Variants in SLC41A1 observed in about 807,000 individuals in gnomAD.
SLC41A1 encodes the protein solute carrier family 41 (magnesium transporter), member 1.
A neutral mutation model predicts 47.3 loss-of-function variants in SLC41A1; 20 were observed. That is an observed-to-expected ratio of 0.42 (90% confidence interval 0.30 to 0.61). The LOEUF (loss-of-function observed/expected upper bound fraction) is 0.61. Among genes scored for constraint, SLC41A1 ranks in the 20% least tolerant of loss-of-function variants. SLC41A1 has a pLI of 0.17. For synonymous variants in SLC41A1, 282 were observed against 272.7 expected, an observed-to-expected ratio of 1.03 and a Z score of -0.34; for missense variants, 504 against 674.1, an observed-to-expected ratio of 0.75 and a Z score of 2.79.
intron 1 of SLC41A1, among the ~76,000 whole-genome samples, chr1:205,811,596 G>T (rs1286373263): frequency 6.6e-6 from 1 of 152,200 alleles, no homozygotes; most frequent in Non-Finnish European, 1.5e-5. Context: ...AAAGAAATAG[G>T]GAGAAACTGA....
Position 205,791,377 on chromosome 1 carries a change from A to G in SLC41A1, c.*156T>C. 1.1e-6 allele frequency: 1 copy of G among 942,528 alleles called. No individual in the cohort carries two copies. The highest frequency in any genetic ancestry group is 1.7e-6 in the Non-Finnish European group (1 of 604,476). The allele number at this position is 942,528 out of a possible 1,614,324, so 58.4% of individuals were successfully genotyped here. ...AATTCTTGCTATACAAACTTGGCTC[A>G]ATGTATAAAAATTCCCATTGAAAAT... On this transcript the variant is annotated 3_prime_UTR_variant, in exon 11 of 11. Transcript: ENST00000367137. The surrounding 1 kb of genome is among the most constrained non-coding windows in gnomAD (Gnocchi z 4.0).
In SLC41A1 at chr1:205,798,047, G is replaced by A; in HGVS notation, c.849C>T (p.His283=). Residue 283 remains histidine, a synonymous_variant, in exon 7 of 11, where the codon CAC becomes CAT. Transcript: ENST00000367137. ...ACACCAGTGGGTAGATGTATCGCCA[G>A]TGATCTGAGAGGGCAGAGGTCAGAA... ...ISWGLYLELN[H]WRYIYPLVCA... is the part of the protein sequence containing the mutation. 1 of 1,614,196 alleles carries A rather than the reference G, an allele frequency of 6.2e-7. No homozygotes were observed. The highest frequency in any genetic ancestry group is 1.6e-4 in the Middle Eastern group (1 of 6,062).
At chr1:205,811,165 C>T (rs952544099) in intron 1 of SLC41A1, 78 bp from the exon 2 acceptor site, 1 of 153,168 alleles carries the variant, frequency 6.5e-6, no homozygotes, top group African/African-American at 2.4e-5. Flanking sequence ...AGAATTTCCC[C>T]CCAAGGAAGT....
chr1:205,795,605 G>T, intron 8 of SLC41A1, 127 bp from the exon 9 acceptor site: 2 of 1,213,766 alleles, frequency 1.6e-6, no homozygotes, highest in Non-Finnish European at 2.4e-6. Flanking sequence ...TAGGGTCTAT[G>T]TGGGCATCAC....
At position 205,797,306 on chromosome 1, in the gene SLC41A1, T is replaced by C. The variant is rs78476626; in HGVS notation, c.993-303A>G. 1.5e-3 allele frequency among the ~76,000 whole-genome samples: 221 copies of C among 152,338 alleles called. 2 individuals carry two copies. The highest frequency in any genetic ancestry group is 6.8e-3 in the Middle Eastern group (2 of 294). ...AGGACTATCTGCCTCTGAGGACCTC[T>C]GTTGTTCTGCCCACTCAGCATTTAC... On this transcript the variant is annotated intron_variant, in intron 7 of 10. Coordinates refer to ENST00000367137, the MANE Select transcript of SLC41A1 (RefSeq NM_173854.6).
rs779830560 is a variant in SLC41A1 at position 205,798,010 on chromosome 1, C to T, written c.886G>A (p.Val296Met). ...ACCACCCAGACAGGCAGCAGGGCCA[C>T]AAAGAAAGCACACACCAGTGGGTAG... is the stretch of plus-strand genomic sequence containing the variant. ...YIYPLVCAFFVALLPVWVVLA... is the reference protein window; with the variant it reads ...YIYPLVCAFFMALLPVWVVLA... Residue 296 changes from valine (V) to methionine (M), a missense_variant, in exon 7 of 11, where the codon GTG becomes ATG. Val to Met is a conservative substitution (Grantham distance 21). Coordinates refer to ENST00000367137, the MANE Select transcript of SLC41A1 (RefSeq NM_173854.6). 5 of 1,613,992 alleles carry T rather than the reference C, an allele frequency of 3.1e-6. No homozygotes were observed. In the South Asian group the frequency reaches 3.3e-5, roughly 11 times the overall value.
intron 7 of SLC41A1, among the ~76,000 whole-genome samples, chr1:205,797,359 C>T (rs1655773595): frequency 6.6e-6 from 1 of 152,222 alleles, no homozygotes; most frequent in Middle Eastern, 3.2e-3. Flanking sequence ...GCACTGGGCT[C>T]CTCCACAGGG....
chr1:205,797,851 T>C, intron 7 of SLC41A1, 53 bp downstream of exon 7: 1 of 1,612,094 alleles, frequency 6.2e-7, no homozygotes, highest in Non-Finnish European at 8.5e-7. Context: ...TAAAAAGAAG[T>C]CTGTGGAAGG....
Position 205,813,108 on chromosome 1 carries a change from A to G in SLC41A1, c.-947T>C, listed in dbSNP as rs556766952. ...GGGGCACCCGGACGGGGGACCGGGG[A>G]GCCGAGCTCACGCGCCCCCAATCGC... is the stretch of plus-strand genomic sequence containing the variant. On this transcript the variant is annotated 5_prime_UTR_variant, in exon 1 of 11. Coordinates refer to ENST00000367137, the MANE Select transcript of SLC41A1 (RefSeq NM_173854.6). 82 of 985,330 alleles carry G rather than the reference A, an allele frequency of 8.3e-5. 1 individual carries two copies. The highest frequency in any genetic ancestry group is 1.0e-3 in the Middle Eastern group (2 of 1,914). 61.0% of individuals were successfully genotyped at this position (985,330 alleles called of 1,614,324 possible).
intron 3 of SLC41A1, 23 bp downstream of exon 3, chr1:205,800,930 C>T (rs756605086): frequency 5.6e-6 from 9 of 1,605,450 alleles, no homozygotes; most frequent in Non-Finnish European, 7.7e-6. Flanking sequence ...CTGTGCCCCA[C>T]TCCTCCCAGC....
chr1:205,798,813 T>C lies in SLC41A1; in HGVS notation c.700A>G (p.Met234Val). 1.2e-6 allele frequency: 2 copies of C among 1,614,096 alleles called. No homozygotes were observed. Among genetic ancestry groups the C allele is most frequent in the Non-Finnish European group, 1.7e-6 (2 of 1,180,016 alleles). ...TAFIASLVLG[M>V]IMIGVIIGSR... is the part of the protein sequence containing the mutation. ...CCAATGATGACTCCAATCATGATCA[T>C]ACCTGGTGAGCAAGTGGGAGGAGGG... The change falls in exon 6 of 11, where the codon ATG becomes GTG. Residue 234 changes from methionine to valine, a missense_variant and splice_region_variant. Transcript: ENST00000367137.
chr1:205,791,479 G>C lies in SLC41A1; in HGVS notation c.*54C>G. 6.2e-7 allele frequency: 1 copy of C among 1,611,496 alleles called. No homozygotes were observed. The highest frequency in any genetic ancestry group is 2.2e-5 in the East Asian group (1 of 44,854). On this transcript the variant is annotated 3_prime_UTR_variant, in exon 11 of 11. Coordinates refer to ENST00000367137, the MANE Select transcript of SLC41A1 (RefSeq NM_173854.6). The surrounding 1 kb of genome is among the most constrained non-coding windows in gnomAD (Gnocchi z 4.0). The stretch of plus-strand genomic sequence containing the variant: ...GTGGAGGAGGGACAGGGGAACAAAA[G>C]AAAAATTTCAAATAGAAAGTGCAGA...
rs550056678 is a variant in SLC41A1, at chr1:205,801,974, A to G, written c.373-914T>C. Among the ~76,000 whole-genome samples, 5 of 152,332 alleles carry G rather than the reference A, an allele frequency of 3.3e-5. No homozygotes were observed. The East Asian group carries it at 9.7e-4, about 29-fold the overall frequency. ...CAGTATTCCACTAGTTAGTGCTAAG[A>G]GGACTGCAGGAACCAGGACTGGCTA... On this transcript the variant is annotated intron_variant, in intron 2 of 10. Transcript: ENST00000367137.
Position 205,810,309 on chromosome 1 carries a change from C to G in SLC41A1, c.133G>C (p.Ala45Pro). The G allele has an allele frequency of 6.2e-7, 1 of 1,614,198 alleles. No individual in the cohort carries two copies. Among genetic ancestry groups the G allele is most frequent in the Non-Finnish European group, 8.5e-7 (1 of 1,180,036 alleles). ...GTSEFLGPDG[A>P]GVEVVIESRA... ...GACTCAATCACCACCTCTACCCCAG[C>G]CCCATCAGGCCCCAGGAACTCTGAG... Residue 45 changes from alanine to proline, a missense_variant, in exon 2 of 11, where the codon GCT becomes CCT. Physicochemically the swap from Ala to Pro is conservative, Grantham distance 27. Coordinates refer to ENST00000367137, the MANE Select transcript of SLC41A1 (RefSeq NM_173854.6). This position sits in a 1 kb window ranked among gnomAD's most constrained non-coding sequence, Gnocchi z 5.5.
chr1:205,795,215 A>G lies in SLC41A1; in HGVS notation c.1207+129T>C, dbSNP rs958982493. 7.5e-5 allele frequency: 113 copies of G among 1,513,034 alleles called. 2 individuals are homozygous for G. In the Middle Eastern group the frequency reaches 1.2e-3, roughly 17 times the overall value. The allele number at this position is 1,513,034 out of a possible 1,614,324, so 93.7% of individuals were successfully genotyped here. On this transcript the variant is annotated intron_variant, in intron 9 of 10. Transcript: ENST00000367137. The stretch of plus-strand genomic sequence containing the variant: ...CCCTCCTGCCTGGGCTCTGCCCTTC[A>G]GAACAGCTGGCACAGCCCAGCAGAG...
At chr1:205,812,642 G>A (rs1571655272) in intron 1 of SLC41A1, 166 bp downstream of exon 1, 1 of 598,916 alleles carries the variant, frequency 1.7e-6, no homozygotes, top group South Asian at 7.3e-5. Context: ...CCTCCCAGGC[G>A]GGGACAAAAA....
At chr1:205,807,241 C>A (rs1033626302) in intron 2 of SLC41A1, among the ~76,000 whole-genome samples, 1 of 152,230 alleles carries the variant, frequency 6.6e-6, no homozygotes, top group Non-Finnish European at 1.5e-5. Context: ...CACTCACCCC[C>A]TCCTGCCATC....
chr1:205,809,983 A>G, intron 2 of SLC41A1, 87 bp downstream of exon 2: 1 of 1,578,138 alleles, frequency 6.3e-7, no homozygotes. Context: ...CACTTCTGAC[A>G]GGGAGGTAGA....
intron 2 of SLC41A1, among the ~76,000 whole-genome samples, chr1:205,808,127 T>G (rs1206075170): frequency 6.6e-6 from 1 of 152,136 alleles, no homozygotes; most frequent in Non-Finnish European, 1.5e-5. Context: ...GCTAATTTTT[T>G]GTATTTTTAG....
Sources: gnomAD v4.1 joint callset for allele counts (sites outside exome capture counted in the v4.1 genomes callset) on GRCh38, gnomAD v4.1.1 for gene constraint, Gnocchi (gnomAD v3.1) non-coding constraint, MANE v1.5 for transcripts, NCBI Gene and HGNC (gene_info 2026-07-23, HGNC 2026-07-21) for gene names.